The following KCNJ12 variants were observed in gnomAD, a reference collection of about 807,000 sequenced individuals.
KCNJ12 encodes ATP-sensitive inward rectifier potassium channel 12.
In KCNJ12, 2 loss-of-function variants were observed where a neutral mutation model predicts 22.3. The ratio of observed to expected loss-of-function variants is 0.09; its 90% CI spans 0.04 to 0.28. The LOEUF (loss-of-function observed/expected upper bound fraction) is 0.28. Among genes scored for constraint, KCNJ12 ranks in the 10% least tolerant of loss-of-function variants. The pLI is 1.00. For missense variants in KCNJ12, 155 were observed against 633.3 expected (o/e 0.24, Z 8.11); for synonymous variants, 117 against 261.4 (o/e 0.45, Z 5.33).
intron 1 of KCNJ12, among the ~76,000 whole-genome samples, chr17:21,395,310 A>C (rs1226837569): frequency 8.0e-5 from 12 of 150,924 alleles, no homozygotes; most frequent in African/African-American, 2.4e-4. Flanking sequence ...AAAAAAAAAA[A>C]AAAACGGCGC....
At chr17:21,386,137 C>T (rs1240393490) in intron 1 of KCNJ12, among the ~76,000 whole-genome samples, 4 of 152,242 alleles carry the variant, frequency 2.6e-5, no homozygotes, top group Non-Finnish European at 5.9e-5. Flanking sequence ...ATGCAGCATC[C>T]GTTCTGGAGG....
chr17:21,383,592 A>G (rs1218453920), intron 1 of KCNJ12, among the ~76,000 whole-genome samples: 1 of 152,192 alleles, frequency 6.6e-6, no homozygotes, highest in Non-Finnish European at 1.5e-5. Flanking sequence ...GGGAGGGGCA[A>G]ACTCAGGGGT....
At chr17:21,383,439 AG>A (rs1361354530) in intron 1 of KCNJ12, among the ~76,000 whole-genome samples, 1 of 152,014 alleles carries the variant, frequency 6.6e-6, no homozygotes, top group Non-Finnish European at 1.5e-5. Context: ...GCGTGGCCGG[AG>A]GGGGCGGGTC....
intron 1 of KCNJ12, among the ~76,000 whole-genome samples, chr17:21,380,796 AT>A (rs1904839440): frequency 6.3e-5 from 1 of 15,916 alleles, no homozygotes; most frequent in Non-Finnish European, 1.1e-4. Context: ...TGGGCCCCAG[AT>A]GGCAGTGGGC....
At chr17:21,403,369 G>C (rs1905742917) in intron 1 of KCNJ12, among the ~76,000 whole-genome samples, 2 of 152,310 alleles carry the variant, frequency 1.3e-5, no homozygotes, top group African/African-American at 4.8e-5. Flanking sequence ...ACTTACGATT[G>C]GTTTTGACAA....
At chr17:21,379,401 AC>A (rs1161069198) in intron 1 of KCNJ12, among the ~76,000 whole-genome samples, 5 of 151,358 alleles carry the variant, frequency 3.3e-5, no homozygotes, top group Admixed American at 6.6e-5. Context: ...GGCCACCCTC[AC>A]CCCCCCTGCT....
At chr17:21,410,707 G>C (rs1484297243) in intron 2 of KCNJ12, among the ~76,000 whole-genome samples, 1 of 152,278 alleles carries the variant, frequency 6.6e-6, no homozygotes, top group Admixed American at 6.5e-5. Context: ...CACGCACACA[G>C]TCAGGCCTCA....
chr17:21,410,248 C>T, intron 2 of KCNJ12, among the ~76,000 whole-genome samples: 1 of 152,254 alleles, frequency 6.6e-6, no homozygotes, highest in East Asian at 1.9e-4. Flanking sequence ...GCAGCCAGCC[C>T]TGCCTCTCAC....
intron 2 of KCNJ12, 113 bp from the exon 3 acceptor site, chr17:21,415,174 C>G (rs61489599): frequency 1.1e-5 from 12 of 1,140,016 alleles, no homozygotes; most frequent in African/African-American, 1.5e-5. Flanking sequence ...AGAGCACGAT[C>G]GTGGGTCAAT....
chr17:21,386,574 C>T (rs1282646332), intron 1 of KCNJ12, among the ~76,000 whole-genome samples: 1 of 152,102 alleles, frequency 6.6e-6, no homozygotes, highest in African/African-American at 2.4e-5. Context: ...GTGGCGTGAT[C>T]TCGGCTCACT....
Position 21,402,747 on chromosome 17 carries a change from G to C in KCNJ12, c.-178-5772G>C, listed in dbSNP as rs1440610802. Among the ~76,000 whole-genome samples, 62 of 152,354 alleles carry C rather than the reference G, an allele frequency of 4.1e-4. No homozygotes were observed. In the Middle Eastern group the frequency reaches 0.01, roughly 25 times the overall value. The stretch of plus-strand genomic sequence containing the variant: ...CCCCTACAGAGAGCAGACAGGTTAT[G>C]GGGGGCTGAGGCCCTAATCCTGGCT... On this transcript the variant is annotated intron_variant, in intron 1 of 2. Coordinates refer to ENST00000583088, the MANE Select transcript of KCNJ12 (RefSeq NM_021012.5).
intron 1 of KCNJ12, among the ~76,000 whole-genome samples, chr17:21,397,079 G>A (rs1239099949): frequency 6.6e-6 from 1 of 152,196 alleles, no homozygotes; most frequent in Non-Finnish European, 1.5e-5. Context: ...GGATGCTTGG[G>A]GACTGAATTT....
intron 1 of KCNJ12, among the ~76,000 whole-genome samples, chr17:21,397,838 C>T (rs782185679): frequency 2.2e-4 from 34 of 152,226 alleles, no homozygotes; most frequent in African/African-American, 5.3e-4. Flanking sequence ...GGGCTGACAG[C>T]GCACAGCAGG....
intron 1 of KCNJ12, among the ~76,000 whole-genome samples, chr17:21,377,287 G>C (rs1173777398): frequency 6.6e-6 from 1 of 152,040 alleles, no homozygotes. Context: ...CGCGCGGCAC[G>C]GGTCCTACGC....
intron 1 of KCNJ12, among the ~76,000 whole-genome samples, chr17:21,385,284 G>C (rs529131831): frequency 1.4e-4 from 22 of 152,364 alleles, no homozygotes; most frequent in African/African-American, 5.3e-4. Context: ...GTGGGGATCA[G>C]ATATACCTGG....
chr17:21,378,313 T>G (rs7220315), intron 1 of KCNJ12, among the ~76,000 whole-genome samples: 115,980 of 152,246 alleles, frequency 0.76, 44,996 homozygotes, highest in African/African-American at 0.92. Context: ...CCAGAGGCTT[T>G]CGCTCTTTTT....
intron 1 of KCNJ12, among the ~76,000 whole-genome samples, chr17:21,400,871 C>A (rs77348283): frequency 6.6e-6 from 1 of 152,302 alleles, no homozygotes; most frequent in Non-Finnish European, 1.5e-5. Flanking sequence ...TGCTTATGAG[C>A]GCCCTAACTA....
intron 2 of KCNJ12, among the ~76,000 whole-genome samples, chr17:21,411,627 CTCTT>C (rs1161414913): frequency 1.3e-5 from 2 of 152,312 alleles, no homozygotes; most frequent in Admixed American, 6.5e-5. Context: ...TGGGACAAGT[CTCTT>C]TTTCTTTTTG....
chr17:21,405,690 C>T (rs1417650903), intron 1 of KCNJ12, among the ~76,000 whole-genome samples: 1 of 152,288 alleles, frequency 6.6e-6, no homozygotes, highest in Non-Finnish European at 1.5e-5. Context: ...GGAAGCACTG[C>T]CCCTGCAGCC....
Sources: allele counts gnomAD v4.1 joint callset (sites outside exome capture counted in the v4.1 genomes callset), GRCh38; gene constraint gnomAD v4.1.1; transcripts MANE v1.5; gene names NCBI Gene and HGNC (gene_info 2026-07-23, HGNC 2026-07-21).